SATB2: variants seen among roughly 807,000 people sequenced by gnomAD.
SATB2 encodes DNA-binding protein SATB2.
Under a neutral mutation model 73.4 loss-of-function variants are expected in SATB2, and 1 was observed. The observed-to-expected ratio is 0.01, with a 90% CI of 0.00 to 0.06. The LOEUF (loss-of-function observed/expected upper bound fraction) is 0.06. Among genes scored for constraint, SATB2 ranks in the 10% least tolerant of loss-of-function variants. SATB2 has a pLI of 1.00. For synonymous variants in SATB2, 397 were observed against 367.0 expected (o/e 1.08, Z -0.93); for missense variants, 459 against 945.8 (o/e 0.49, Z 6.75).
At chr2:199,456,519 G>C (rs1048448930) in intron 1 of SATB2, among the ~76,000 whole-genome samples, 1 of 152,212 alleles carries the variant, frequency 6.6e-6, no homozygotes. Flanking sequence ...GGGGGTGTGC[G>C]CAAGTCCATA....
At chr2:199,323,332 A>C (rs77801793) in intron 9 of SATB2, among the ~76,000 whole-genome samples, 176 of 152,226 alleles carry the variant, frequency 1.2e-3, no homozygotes, top group African/African-American at 4.0e-3. Context: ...AACACCTGAC[A>C]TCAAAAGGTG....
rs903444080 is a variant in SATB2, at chr2:199,456,065, C to T, written c.-28G>A. 6.5e-7 allele frequency: 1 copy of T among 1,540,778 alleles called. No individual in the cohort carries two copies. The highest frequency in any genetic ancestry group is 8.7e-7 in the Non-Finnish European group (1 of 1,149,810). On this transcript the variant is annotated 5_prime_UTR_variant, in exon 2 of 11. Coordinates refer to ENST00000417098, the MANE Select transcript of SATB2 (RefSeq NM_001172509.2). Reference sequence around the variant, plus strand: ...TGCTCCGACTCGGAGACAAAGTTCCCACCGGCAGGTCGCAATAAAACGCAC... The same window carrying T: ...TGCTCCGACTCGGAGACAAAGTTCCTACCGGCAGGTCGCAATAAAACGCAC...
intron 5 of SATB2, among the ~76,000 whole-genome samples, chr2:199,373,152 T>C (rs1422733067): frequency 1.3e-5 from 2 of 152,176 alleles, no homozygotes; most frequent in Admixed American, 6.5e-5. Flanking sequence ...GAGAATCCCC[T>C]GTCTGAGGGA....
chr2:199,368,864 C>T (rs1205027746), intron 5 of SATB2, 157 bp from the exon 6 acceptor site: 1 of 564,256 alleles, frequency 1.8e-6, no homozygotes, highest in Non-Finnish European at 3.1e-6. Flanking sequence ...ACACGATTAC[C>T]TGAATTTACC....
At chr2:199,381,024 A>G (rs1689756472) in intron 4 of SATB2, among the ~76,000 whole-genome samples, 1 of 152,224 alleles carries the variant, frequency 6.6e-6, no homozygotes, top group African/African-American at 2.4e-5. Flanking sequence ...GGGAAAATTC[A>G]AAACACTTAC....
intron 2 of SATB2, among the ~76,000 whole-genome samples, chr2:199,437,079 A>C (rs1401329941): frequency 6.6e-6 from 1 of 152,202 alleles, no homozygotes; most frequent in Non-Finnish European, 1.5e-5. Context: ...GAAATGGTGA[A>C]GAAAAAAGAA....
At chr2:199,381,673 C>G (rs373713720) in intron 4 of SATB2, 21 bp downstream of exon 4, 4 of 1,613,654 alleles carry the variant, frequency 2.5e-6, no homozygotes, top group Non-Finnish European at 3.4e-6. Flanking sequence ...TAAGGAAAAG[C>G]AGATGTTCAG....
chr2:199,341,164 T>A (rs1235526275), intron 7 of SATB2, among the ~76,000 whole-genome samples: 1 of 152,244 alleles, frequency 6.6e-6, no homozygotes, highest in Non-Finnish European at 1.5e-5. Context: ...TGCTTAAGGT[T>A]GGAATTCATA....
At chr2:199,289,296 A>T (rs7564989) in intron 10 of SATB2, among the ~76,000 whole-genome samples, 6 of 152,038 alleles carry the variant, frequency 3.9e-5, no homozygotes, top group African/African-American at 4.8e-5. Flanking sequence ...GTTTAGATCA[A>T]GGCTTTCTCA....
intron 10 of SATB2, among the ~76,000 whole-genome samples, chr2:199,289,339 G>C (rs945612372): frequency 6.6e-6 from 1 of 152,132 alleles, no homozygotes; most frequent in African/African-American, 2.4e-5. Context: ...AGGGGTCCAA[G>C]GATGGTCACT....
rs1270733561 is a variant in SATB2, at chr2:199,355,878, A to T, written c.701-6705T>A. 3.3e-5 allele frequency among the ~76,000 whole-genome samples: 5 copies of T among 152,292 alleles called. No homozygotes were observed. The East Asian group carries it at 9.6e-4, about 29-fold the overall frequency. On this transcript the variant is annotated intron_variant, in intron 6 of 10. Transcript: ENST00000417098. ...TAGTGGCAATAGCAATATTAATTAC[A>T]GTATTGCTCTTGCAAGTTTATCAAT...
upstream of SATB2, among the ~76,000 whole-genome samples, chr2:199,466,289 G>A (rs945504007): frequency 2.6e-5 from 4 of 152,260 alleles, no homozygotes; most frequent in South Asian, 2.1e-4. Flanking sequence ...AGCCCTTGCC[G>A]GCACTTAGGG....
intron 3 of SATB2, among the ~76,000 whole-genome samples, chr2:199,423,379 T>C (rs1465342166): frequency 6.6e-6 from 1 of 152,038 alleles, no homozygotes; most frequent in East Asian, 1.9e-4. Flanking sequence ...AACCACAGCC[T>C]CCAGGTGTGC....
At chr2:199,326,275 T>C (rs1688026720) in intron 8 of SATB2, among the ~76,000 whole-genome samples, 1 of 152,186 alleles carries the variant, frequency 6.6e-6, no homozygotes, top group South Asian at 2.1e-4. Flanking sequence ...CTAGAGAATG[T>C]ACAAATGCAA....
intron 5 of SATB2, among the ~76,000 whole-genome samples, chr2:199,378,281 A>T (rs1689662227): frequency 6.6e-6 from 1 of 152,218 alleles, no homozygotes; most frequent in African/African-American, 2.4e-5. Context: ...TGAATTGGTA[A>T]TATCAAGTTA....
chr2:199,383,849 T>G (rs1404518387), intron 3 of SATB2, among the ~76,000 whole-genome samples: 1 of 152,190 alleles, frequency 6.6e-6, no homozygotes, highest in Non-Finnish European at 1.5e-5. Context: ...ATGATTTCAT[T>G]TATATGAAAT....
intron 2 of SATB2, among the ~76,000 whole-genome samples, chr2:199,445,905 C>A (rs1402648749): frequency 6.6e-6 from 1 of 152,130 alleles, no homozygotes; most frequent in Non-Finnish European, 1.5e-5. Flanking sequence ...CGGATGAAGA[C>A]AATTTATCAT....
At chr2:199,332,710 A>G (rs1466340468) in intron 7 of SATB2, among the ~76,000 whole-genome samples, 1 of 152,084 alleles carries the variant, frequency 6.6e-6, no homozygotes, top group African/African-American at 2.4e-5. Flanking sequence ...TGAGCTTTTG[A>G]TTTCCATACT....
rs138968343 is a variant in SATB2, at chr2:199,322,383, G to A, written c.1542+1420C>T. On this transcript the variant is annotated intron_variant, in intron 9 of 10. Coordinates refer to ENST00000417098, the MANE Select transcript of SATB2 (RefSeq NM_001172509.2). ...CATTATGCATTTAACAGCTTTATTC[G>A]TTTAACAGCTCCAACTCTCATTATA... is the stretch of plus-strand genomic sequence containing the variant. 3.1e-3 allele frequency among the ~76,000 whole-genome samples: 477 copies of A among 152,226 alleles called. 2 individuals carry two copies. Among genetic ancestry groups the A allele is most frequent in the African/African-American group, 0.011 (449 of 41,554 alleles).
Sources: gnomAD v4.1 joint callset for allele counts (sites outside exome capture counted in the v4.1 genomes callset) on GRCh38, gnomAD v4.1.1 for gene constraint, MANE v1.5 for transcripts, NCBI Gene and HGNC (gene_info 2026-07-23, HGNC 2026-07-21) for gene names.